Variants in FAAH2 observed in about 807,000 individuals in gnomAD.
The protein encoded by FAAH2 is fatty acid amide hydrolase 2.
FAAH2 carries 60 observed loss-of-function variants against 36.9 expected under a neutral mutation model. The observed-to-expected ratio is 1.63, with a 90% CI of 1.32 to 2.02. The LOEUF is 2.02. Ranked by LOEUF, FAAH2 falls within the 30% of genes most tolerant of loss-of-function variation. The pLI, the probability that FAAH2 is intolerant of heterozygous loss-of-function variation, is 0.00. For synonymous variants in FAAH2, 214 were observed against 143.8 expected (o/e 1.49, Z -3.49); for missense variants, 689 against 397.5 (o/e 1.73, Z -6.23).
At chrX:57,364,686 G>T (rs1340449892) in intron 5 of FAAH2, among the ~76,000 whole-genome samples, 1 of 110,032 alleles carries the variant, frequency 9.1e-6, no homozygotes, top group Non-Finnish European at 1.9e-5. Context: ...TGATGTAGTT[G>T]CTCAGCACTC....
intron 9 of FAAH2, 54 bp from the exon 10 acceptor site, chrX:57,448,470 A>G: frequency 9.6e-7 from 1 of 1,041,425 alleles, no homozygotes; most frequent in Non-Finnish European, 1.3e-6. Flanking sequence ...AAAGAACACT[A>G]GGAATTAAAA....
the FAAH2 span, among the ~76,000 whole-genome samples, chrX:57,255,570 A>G: frequency 8.9e-6 from 1 of 112,059 alleles, no homozygotes. Context: ...CAGAAATCTT[A>G]TCCACCACAA....
chrX:57,224,775 G>C, the FAAH2 span, among the ~76,000 whole-genome samples: 1 of 112,294 alleles, frequency 8.9e-6, no homozygotes, highest in Non-Finnish European at 1.9e-5. Flanking sequence ...CCTGCACCCA[G>C]GCACTGATTA....
chrX:57,419,324 A>G (rs1181321377), intron 7 of FAAH2, among the ~76,000 whole-genome samples: 3 of 110,876 alleles, frequency 2.7e-5, no homozygotes, highest in African/African-American at 9.8e-5. Flanking sequence ...ACTAGTTTAC[A>G]GTCCCACCAA....
chrX:57,319,763 G>C (rs1379686333), intron 3 of FAAH2, among the ~76,000 whole-genome samples: 4 of 111,695 alleles, frequency 3.6e-5, no homozygotes, highest in Non-Finnish European at 7.5e-5. Flanking sequence ...TTACCTTACT[G>C]CAAAGTATAC....
At chrX:57,453,234 C>A (rs1428767797) in intron 10 of FAAH2, among the ~76,000 whole-genome samples, 2 of 112,288 alleles carry the variant, frequency 1.8e-5, no homozygotes, top group African/African-American at 3.2e-5. Flanking sequence ...CAGCAACGTA[C>A]CCCAGAGGTA....
the FAAH2 span, among the ~76,000 whole-genome samples, chrX:57,196,403 A>G: frequency 2.7e-5 from 3 of 111,891 alleles, no homozygotes; most frequent in Admixed American, 9.5e-5. Flanking sequence ...ATTTGTGTAC[A>G]TTAATTTTGT....
intron 7 of FAAH2, among the ~76,000 whole-genome samples, chrX:57,426,389 C>T (rs1175260942): frequency 8.9e-6 from 1 of 111,765 alleles, no homozygotes; most frequent in Non-Finnish European, 1.9e-5. Flanking sequence ...AAGAGTTAAA[C>T]TGGACGTTAG....
intron 10 of FAAH2, among the ~76,000 whole-genome samples, chrX:57,460,831 G>A (rs2056944954): frequency 8.9e-6 from 1 of 111,795 alleles, no homozygotes; most frequent in Non-Finnish European, 1.9e-5. Context: ...TGGGCTAAAT[G>A]CCCCAATTAA....
chrX:57,394,781 A>G, intron 7 of FAAH2: 1 of 971,733 alleles, frequency 1.0e-6, no homozygotes, highest in Non-Finnish European at 1.5e-6. Flanking sequence ...AGTTGCAACC[A>G]CCAGGATGTC....
intron 4 of FAAH2, among the ~76,000 whole-genome samples, chrX:57,338,298 C>G (rs2053603900): frequency 9.0e-6 from 1 of 111,123 alleles, no homozygotes; most frequent in African/African-American, 3.3e-5. Flanking sequence ...ATTTTTGTGC[C>G]AGGATGAACC....
chrX:57,472,553 C>T (rs770875192), intron 10 of FAAH2, among the ~76,000 whole-genome samples: 27 of 111,610 alleles, frequency 2.4e-4, no homozygotes, highest in African/African-American at 6.8e-4. Flanking sequence ...AGGATGACAC[C>T]AGATCTTTTC....
chrX:57,143,571 G>T, the FAAH2 span, among the ~76,000 whole-genome samples: 1 of 110,382 alleles, frequency 9.1e-6, no homozygotes, highest in Admixed American at 9.7e-5. Flanking sequence ...CTGCCCCCCA[G>T]GCTCAAGTGA....
At chrX:57,450,367 G>C (rs1569354523) in intron 10 of FAAH2, among the ~76,000 whole-genome samples, 1 of 110,564 alleles carries the variant, frequency 9.0e-6, no homozygotes, top group African/African-American at 3.3e-5. Context: ...TTATCTTTGT[G>C]TAAAACCTGA....
At chrX:57,457,779 A>T (rs770063433) in intron 10 of FAAH2, among the ~76,000 whole-genome samples, 1 of 110,090 alleles carries the variant, frequency 9.1e-6, no homozygotes, top group East Asian at 2.9e-4. Context: ...TGCAAAACAC[A>T]GCTAAAAGAA....
rs1270187987 is a variant in FAAH2 at position 57,462,085 on chromosome X, C to G, written c.1423+13367C>G. The stretch of plus-strand genomic sequence containing the variant: ...AAATTCCTGGACACATACACCCTCC[C>G]AAGGCTAAACCAGGAGGAAGTCACA... On this transcript the variant is annotated intron_variant, in intron 10 of 10. Transcript: ENST00000374900. Among the ~76,000 whole-genome samples, 8 of 101,188 alleles carry G rather than the reference C, an allele frequency of 7.9e-5. No homozygotes were observed. The East Asian group carries it at 2.5e-3, about 32-fold the overall frequency. 87.9% of individuals were successfully genotyped at this position (101,188 alleles called of 115,157 possible).
At chrX:57,176,881 T>C in the FAAH2 span, among the ~76,000 whole-genome samples, 9 of 111,367 alleles carry the variant, frequency 8.1e-5, no homozygotes, top group Non-Finnish European at 1.3e-4. Context: ...AGAGAATGTT[T>C]GTGTGATGGT....
In FAAH2 at chrX:57,358,220, A is replaced by C. The variant is rs747479475; in HGVS notation, c.742+16830A>C. 3.7e-5 allele frequency among the ~76,000 whole-genome samples: 4 copies of C among 109,344 alleles called. No homozygotes were observed. In the East Asian group the frequency reaches 1.2e-3, roughly 31 times the overall value. The allele number at this position is 109,344 out of a possible 115,157, so 95.0% of individuals were successfully genotyped here. On this transcript the variant is annotated intron_variant, in intron 5 of 10. Coordinates refer to ENST00000374900, the MANE Select transcript of FAAH2 (RefSeq NM_174912.4). ...TTTTGGTAAGAACATTTAACATGAC[A>C]CCTACCCTCTTAACTGATTTTTAAG...
intron 10 of FAAH2, among the ~76,000 whole-genome samples, chrX:57,482,954 T>C (rs2057407534): frequency 9.1e-6 from 1 of 110,444 alleles, no homozygotes; most frequent in African/African-American, 3.3e-5. Context: ...TCTTCTTTAT[T>C]ATTTACTTTA....
Sources: gnomAD v4.1 joint callset for allele counts (sites outside exome capture counted in the v4.1 genomes callset) on GRCh38, gnomAD v4.1.1 for gene constraint, MANE v1.5 for transcripts, NCBI Gene and HGNC (gene_info 2026-07-23, HGNC 2026-07-21) for gene names.